UVSSA: variants seen among roughly 807,000 people sequenced by gnomAD.
The protein encoded by UVSSA is UV stimulated scaffold protein A, also known as UV-stimulated scaffold protein A.
UVSSA carries 72 observed loss-of-function variants against 73.9 expected under a neutral mutation model. The ratio of observed to expected loss-of-function variants is 0.97; its 90% CI spans 0.81 to 1.19. UVSSA has a LOEUF of 1.19. UVSSA is among the 50% of genes most tolerant of loss of function. UVSSA has a pLI of 0.00. For synonymous variants in UVSSA, 454 were observed against 391.3 expected, an observed-to-expected ratio of 1.16 and a Z score of -1.89; for missense variants, 1,150 against 965.0, an observed-to-expected ratio of 1.19 and a Z score of -2.54.
intron 4 of UVSSA, 79 bp downstream of exon 4, chr4:1,351,914 G>A: frequency 6.4e-7 from 1 of 1,567,578 alleles, no homozygotes; most frequent in Admixed American, 1.8e-5. Context: ...CCTGGTCCCA[G>A]GGCCCCAGCC....
chr4:1,349,654 A>T lies in UVSSA; in HGVS notation c.229A>T (p.Met77Leu). 6.2e-7 allele frequency: 1 copy of T among 1,614,038 alleles called. No individual in the cohort carries two copies. The highest frequency in any genetic ancestry group is 8.5e-7 in the Non-Finnish European group (1 of 1,179,966). Reference sequence around the variant, plus strand: ...CTTCGTCAGGTCTCACCAGTTCCGGATGCTGGTTGTTTCCAACTTCCAGGA... The same window carrying T: ...CTTCGTCAGGTCTCACCAGTTCCGGTTGCTGGTTGTTTCCAACTTCCAGGA... ...ELFVRSHQFR[M>L]LVVSNFQEFL... The change falls in exon 3 of 14, where the codon ATG becomes TTG. Residue 77 changes from methionine (M) to leucine (L), a missense_variant. Transcript: ENST00000389851.
chr4:1,382,994 G>A (rs1719684719), intron 12 of UVSSA, among the ~76,000 whole-genome samples: 1 of 152,222 alleles, frequency 6.6e-6, no homozygotes, highest in African/African-American at 2.4e-5. Flanking sequence ...CCTGGTGGAG[G>A]CCCACCTCCG....
rs374905972 is a variant in UVSSA at position 1,385,850 on chromosome 4, T to A, written c.2037-18T>A. On this transcript the variant is annotated intron_variant, in intron 13 of 13. Transcript: ENST00000389851. ...GGCGGAAGCCTCCCAGGTCACATCT[T>A]GCCTTGTTTCCCCACAGGGCAGCTG... The A allele has an allele frequency of 4.3e-6, 7 of 1,613,900 alleles. No individual in the cohort carries two copies. Among genetic ancestry groups the A allele is most frequent in the Non-Finnish European group, 5.9e-6 (7 of 1,179,924 alleles).
At chr4:1,379,778 G>C (rs4974616) in intron 10 of UVSSA, among the ~76,000 whole-genome samples, 8,577 of 27,896 alleles carry the variant, frequency 0.31, 705 homozygotes, top group African/African-American at 0.53. Context: ...GAATTCAGAC[G>C]CAGGCGGTCG....
In UVSSA at chr4:1,395,566, G is replaced by A. The variant is rs146370789; in HGVS notation, c.*9605G>A. 2.9e-5 allele frequency: 46 copies of A among 1,596,596 alleles called. No individual in the cohort carries two copies. The highest frequency in any genetic ancestry group is 5.8e-5 in the African/African-American group (4 of 69,164). ...TCACACGTGCCCATGTGGAGTGCCC[G>A]CCTGCTCACACGTGCCCATGTGGAG... On this transcript the variant is annotated 3_prime_UTR_variant, in exon 14 of 14. Coordinates refer to the UVSSA transcript ENST00000511216.
intron 2 of UVSSA, among the ~76,000 whole-genome samples, chr4:1,349,135 A>T (rs544821934): frequency 1.1e-5 from 1 of 92,668 alleles, no homozygotes; most frequent in Admixed American, 1.1e-4. Context: ...AAAGAGCCAG[A>T]TGGTTTGTGT....
chr4:1,393,617 G>GATAGGATAA (rs1553889242), exon 14 of UVSSA: 1 of 138,850 alleles, frequency 7.2e-6, no homozygotes, highest in Non-Finnish European at 1.6e-5. Flanking sequence ...TAGATAGATA[G>GATAGGATAA]GATAAGATAA....
At position 1,353,403 on chromosome 4, in the gene UVSSA, G is replaced by T; in HGVS notation, c.924G>T (p.Glu308Asp). 1 of 1,560,014 alleles carries T rather than the reference G, an allele frequency of 6.4e-7. No homozygotes were observed. ...CGCACAAGTACACGCTGGATGTGGA[G>T]CTCTGCTCAGGTAACTGCCTTCGCG... The part of the protein sequence containing the change: ...LGSHKYTLDV[E>D]LCSEGLKVQE... Residue 308 changes from glutamate to aspartate, a missense_variant, in exon 5 of 14, where the codon GAG becomes GAT. By Grantham distance (45) the Glu-to-Asp change is conservative. Transcript: ENST00000389851.
chr4:1,379,971 C>A (rs899021782), intron 10 of UVSSA, 76 bp from the exon 11 acceptor site: 43 of 1,497,758 alleles, frequency 2.9e-5, no homozygotes, highest in Non-Finnish European at 3.4e-5. Flanking sequence ...TGGCCTTCCC[C>A]TGTGCCTGCA....
chr4:1,349,658 T>C lies in UVSSA; in HGVS notation c.233T>C (p.Leu78Pro). ...LFVRSHQFRM[L>P]VVSNFQEFLE... is the part of the protein sequence containing the mutation. The stretch of plus-strand genomic sequence containing the variant: ...GTCAGGTCTCACCAGTTCCGGATGC[T>C]GGTTGTTTCCAACTTCCAGGAGTTC... Residue 78 changes from leucine to proline, a missense_variant, in exon 3 of 14, where the codon CTG (leucine) becomes CCG (proline). Transcript: ENST00000389851. The C allele has an allele frequency of 6.2e-7, 1 of 1,614,084 alleles. No homozygotes were observed. The highest frequency in any genetic ancestry group is 8.5e-7 in the Non-Finnish European group (1 of 1,179,998).
At position 1,353,091 on chromosome 4, in the gene UVSSA, G is replaced by T. The variant is rs1186017760; in HGVS notation, c.612G>T (p.Val204=). 6.2e-7 allele frequency: 1 copy of T among 1,613,058 alleles called. No homozygotes were observed. Among genetic ancestry groups the T allele is most frequent in the Non-Finnish European group, 8.5e-7 (1 of 1,180,010 alleles). Residue 204 remains valine, a synonymous_variant, in exon 5 of 14, where the codon GTG becomes GTT. Coordinates refer to ENST00000389851, the MANE Select transcript of UVSSA (RefSeq NM_020894.4). The stretch of plus-strand genomic sequence containing the variant: ...TAGAGAGCTGCTTTAGGCTGCTGGT[G>T]CCTTTTGACTTTGACCCGAACCCGG... ...TEVESCFRLL[V]PFDFDPNPET...
chr4:1,362,274 G>A (rs531819395), intron 7 of UVSSA, among the ~76,000 whole-genome samples: 17 of 152,328 alleles, frequency 1.1e-4, no homozygotes, highest in African/African-American at 3.6e-4. Flanking sequence ...CCCTGTGCAC[G>A]GGTGGTCTTG....
In UVSSA at chr4:1,379,406, C is replaced by T. The variant is rs921652817; in HGVS notation, c.1569-641C>T. Among the ~76,000 whole-genome samples, 12 of 152,366 alleles carry T rather than the reference C, an allele frequency of 7.9e-5. No individual in the cohort carries two copies. The South Asian group carries it at 1.9e-3, about 24-fold the overall frequency. On this transcript the variant is annotated intron_variant, in intron 10 of 13. Transcript: ENST00000389851. ...CTCTTGGCCGGCACACCCAGCCCCC[C>T]CATCCCATGGCATCCGCCGGAAAGC...
At chr4:1,376,212 G>C in intron 10 of UVSSA, 44 bp downstream of exon 10, 1 of 1,562,456 alleles carries the variant, frequency 6.4e-7, no homozygotes, top group African/African-American at 1.4e-5. Context: ...ACACAACCAG[G>C]GTCCCAGCCT....
At chr4:1,374,728 C>T (rs992290975) in intron 8 of UVSSA, among the ~76,000 whole-genome samples, 12 of 152,204 alleles carry the variant, frequency 7.9e-5, no homozygotes, top group Non-Finnish European at 1.5e-4. Flanking sequence ...GTCCAGTGGC[C>T]CCTGTGGCTG....
At chr4:1,378,122 G>T (rs1466126269) in intron 10 of UVSSA, among the ~76,000 whole-genome samples, 2 of 152,192 alleles carry the variant, frequency 1.3e-5, no homozygotes, top group Admixed American at 6.5e-5. Flanking sequence ...GCCTGGGCTC[G>T]CCCCTTTCAT....
intron 8 of UVSSA, among the ~76,000 whole-genome samples, chr4:1,369,184 G>C (rs1717715914): frequency 6.6e-6 from 1 of 152,274 alleles, no homozygotes; most frequent in African/African-American, 2.4e-5. Context: ...CCTGGCCTGG[G>C]TACCCTTGGC....
At chr4:1,358,727 G>A (rs1216444253) in intron 7 of UVSSA, among the ~76,000 whole-genome samples, 1 of 152,240 alleles carries the variant, frequency 6.6e-6, no homozygotes, top group African/African-American at 2.4e-5. Context: ...AGAAATTATG[G>A]ACGAGGTGCT....
chr4:1,389,104 C>G (rs891345176), downstream of UVSSA: 2 of 152,196 alleles, frequency 1.3e-5, no homozygotes, highest in Admixed American at 6.5e-5. Context: ...TATTATAGAT[C>G]TGTTTAGTTC....
Sources: allele counts gnomAD v4.1 joint callset (sites outside exome capture counted in the v4.1 genomes callset), GRCh38; gene constraint gnomAD v4.1.1; transcripts MANE v1.5; gene names NCBI Gene and HGNC (gene_info 2026-07-23, HGNC 2026-07-21).